PAX8: variants seen among roughly 807,000 people sequenced by gnomAD.
PAX8 encodes the protein paired box 8, also known as paired box protein Pax-8.
In PAX8, 15 loss-of-function variants were observed where a neutral mutation model predicts 52.4. The ratio of observed to expected loss-of-function variants is 0.29; its 90% CI spans 0.19 to 0.44. The LOEUF is 0.44. Among genes scored for constraint, PAX8 ranks in the 20% least tolerant of loss-of-function variants. The probability of loss-of-function intolerance (pLI) is 1.00; values close to 1 mark genes in which losing one functional copy is unlikely to be tolerated. For missense variants in PAX8, 554 were observed against 602.5 expected (o/e 0.92, Z 0.84); for synonymous variants, 284 against 249.7 (o/e 1.14, Z -1.29).
intron 10 of PAX8, among the ~76,000 whole-genome samples, chr2:113,222,885 C>T (rs1689346604): frequency 6.6e-6 from 1 of 151,926 alleles, no homozygotes; most frequent in South Asian, 2.1e-4. Flanking sequence ...TCATCCCTGT[C>T]TCATGCCTTT....
intron 2 of PAX8, among the ~76,000 whole-genome samples, chr2:113,253,567 C>T (rs150685961): frequency 1.4e-4 from 22 of 152,304 alleles, no homozygotes; most frequent in African/African-American, 4.8e-4. Context: ...AGTGTGTCCC[C>T]AGCCTTGGGG....
chr2:113,220,465 C>A, intron 10 of PAX8: 1 of 317,156 alleles, frequency 3.2e-6, no homozygotes, highest in Non-Finnish European at 5.9e-6. Context: ...TTATAACTAC[C>A]CCCATTTTCC....
intron 9 of PAX8, among the ~76,000 whole-genome samples, chr2:113,231,659 C>T (rs2863242): frequency 0.18 from 26,644 of 152,210 alleles, 2,794 homozygotes; most frequent in Non-Finnish European, 0.24. Flanking sequence ...TCACTGTGTC[C>T]TCTCTCCTCT....
intron 2 of PAX8, among the ~76,000 whole-genome samples, chr2:113,254,383 C>A (rs556338008): frequency 6.6e-6 from 1 of 152,198 alleles, no homozygotes; most frequent in South Asian, 2.1e-4. Flanking sequence ...AAGAACACAA[C>A]AGGGTGTAAT....
At chr2:113,249,722 T>C (rs1223562236) in intron 2 of PAX8, among the ~76,000 whole-genome samples, 1 of 152,114 alleles carries the variant, frequency 6.6e-6, no homozygotes, top group Non-Finnish European at 1.5e-5. Context: ...CAGCAAGCAT[T>C]GTAGTGCTGG....
intron 2 of PAX8, among the ~76,000 whole-genome samples, chr2:113,249,314 G>A (rs1364573327): frequency 6.6e-6 from 1 of 152,220 alleles, no homozygotes; most frequent in African/African-American, 2.4e-5. Context: ...CTGCATCATT[G>A]TTGCCTTCCG....
At chr2:113,255,197 AAGGAGAGAGGGAAGGAGGGAGGGG>A (rs1692129758) in intron 2 of PAX8, among the ~76,000 whole-genome samples, 3 of 131,692 alleles carry the variant, frequency 2.3e-5, no homozygotes, top group Admixed American at 7.6e-5. Context: ...GAATAGAGGG[AAGGAGAGAGGGAAGGAGGGAGGGG>A]AGGAGGGAGG....
In PAX8 at chr2:113,235,539, C is replaced by G. The variant is rs557698642; in HGVS notation, c.942G>C (p.Val314=). 10 of 1,613,868 alleles carry G rather than the reference C, an allele frequency of 6.2e-6. No homozygotes were observed. Among genetic ancestry groups the G allele is most frequent in the South Asian group, 1.1e-5 (1 of 91,062 alleles). The change falls in exon 9 of 12, where the codon GTG becomes GTC. Residue 314 remains valine, a synonymous_variant. Transcript: ENST00000429538. ...AGGAAGGGGTGGAGCTAGAACTGGA[C>G]ACCTCGGGGGTTTCCTGCTTTATGG... ...PFAIKQETPE[V]SSSSSTPSSL...
intron 2 of PAX8, among the ~76,000 whole-genome samples, chr2:113,249,892 GT>G (rs1026592625): frequency 1.3e-5 from 2 of 150,950 alleles, no homozygotes; most frequent in East Asian, 1.9e-4. Context: ...GAGAAAGTGG[GT>G]TTTTTTTTCA....
chr2:113,241,404 G>A (rs1392706218), intron 7 of PAX8, 147 bp downstream of exon 7: 4 of 774,128 alleles, frequency 5.2e-6, no homozygotes, highest in Non-Finnish European at 8.8e-6. Context: ...AATAAAGCAT[G>A]TGTCAGGCTT....
intron 9 of PAX8, among the ~76,000 whole-genome samples, chr2:113,228,187 TC>T (rs1689695380): frequency 6.6e-6 from 1 of 152,096 alleles, no homozygotes; most frequent in Non-Finnish European, 1.5e-5. Flanking sequence ...ATAAACATGA[TC>T]CCTTGCCCCT....
intron 2 of PAX8, chr2:113,266,144 T>A (rs1434656865): frequency 6.6e-6 from 1 of 152,128 alleles, no homozygotes; most frequent in Non-Finnish European, 1.5e-5. Flanking sequence ...AGTGGATGAC[T>A]GGGAATAGAA....
intron 10 of PAX8, chr2:113,226,859 G>A: frequency 3.8e-6 from 5 of 1,308,686 alleles, no homozygotes; most frequent in Non-Finnish European, 4.9e-6. Context: ...TGGAAGAAGT[G>A]GTGGAGCTTG....
intron 3 of PAX8, among the ~76,000 whole-genome samples, chr2:113,245,044 T>G (rs1452819875): frequency 1.4e-5 from 2 of 138,710 alleles, no homozygotes; most frequent in Admixed American, 7.3e-5. Context: ...AGGTTTTTTT[T>G]GTTTTTTTTT....
At chr2:113,258,034 C>A (rs530908972) in intron 2 of PAX8, among the ~76,000 whole-genome samples, 1 of 152,262 alleles carries the variant, frequency 6.6e-6, no homozygotes, top group South Asian at 2.1e-4. Context: ...CTTTTGCCCA[C>A]CCACCTCCGG....
chr2:113,247,207 C>A (rs1691397585), intron 2 of PAX8, among the ~76,000 whole-genome samples: 1 of 152,204 alleles, frequency 6.6e-6, no homozygotes, highest in Admixed American at 6.5e-5. Flanking sequence ...AAATCACAAT[C>A]CCCTATTTTC....
chr2:113,260,271 A>G (rs976745771), intron 2 of PAX8, among the ~76,000 whole-genome samples: 1 of 152,152 alleles, frequency 6.6e-6, no homozygotes, highest in Non-Finnish European at 1.5e-5. Flanking sequence ...TCTGTCCACA[A>G]GTAGCTCCGT....
intron 2 of PAX8, among the ~76,000 whole-genome samples, chr2:113,276,815 G>A (rs999156299): frequency 2.0e-5 from 3 of 152,174 alleles, no homozygotes; most frequent in African/African-American, 7.2e-5. Context: ...AAGGTTAGGA[G>A]GAAAGATGGA....
At chr2:113,254,025 T>C (rs1283601258) in intron 2 of PAX8, among the ~76,000 whole-genome samples, 1 of 152,258 alleles carries the variant, frequency 6.6e-6, no homozygotes, top group African/African-American at 2.4e-5. Flanking sequence ...TTAAATTATA[T>C]TAGGTGTTCA....
Sources: allele counts gnomAD v4.1 joint callset (sites outside exome capture counted in the v4.1 genomes callset), GRCh38; gene constraint gnomAD v4.1.1; transcripts MANE v1.5; gene names NCBI Gene and HGNC (gene_info 2026-07-23, HGNC 2026-07-21).